Variants in STEAP1 observed in about 807,000 individuals in gnomAD.
STEAP1 encodes STEAP1 protein.
In STEAP1, 30 loss-of-function variants were observed where a neutral mutation model predicts 34.4. The ratio of observed to expected loss-of-function variants is 0.87; its 90% CI spans 0.65 to 1.18. The LOEUF (loss-of-function observed/expected upper bound fraction) is 1.18. Ranked by LOEUF, STEAP1 falls within the 50% of genes most tolerant of loss-of-function variation. The pLI is 0.00. For missense variants in STEAP1, 318 were observed against 391.1 expected (o/e 0.81, Z 1.58); for synonymous variants, 116 against 135.3 (o/e 0.86, Z 0.99).
chr7:90,162,244 T>C (rs1459097058), intron 4 of STEAP1, 166 bp downstream of exon 4: 3 of 1,039,042 alleles, frequency 2.9e-6, no homozygotes, highest in Non-Finnish European at 3.9e-6. Flanking sequence ...CCCTATTGCT[T>C]CTAATTAGGA....
intron 3 of STEAP1, 109 bp from the exon 4 acceptor site, chr7:90,161,805 C>T: frequency 7.0e-7 from 1 of 1,429,450 alleles, no homozygotes. Context: ...TTTGTGGAGA[C>T]CTGTTATCAG....
intron 4 of STEAP1, 113 bp from the exon 5 acceptor site, chr7:90,164,364 A>C: frequency 8.0e-7 from 1 of 1,247,246 alleles, no homozygotes; most frequent in Non-Finnish European, 1.1e-6. Flanking sequence ...GAAATGTGAT[A>C]GGAAAACAAT....
rs1326984991 is a variant in STEAP1, at chr7:90,164,633, A to G, written c.919A>G (p.Ile307Val). 7 of 1,613,708 alleles carry G rather than the reference A, an allele frequency of 4.3e-6. No homozygotes were observed. The highest frequency in any genetic ancestry group is 2.7e-5 in the African/African-American group (2 of 74,896). ...AATTGTTGTCCTGATATTTAAAAGC[A>G]TACTATTCCTGCCATGCTTGAGGAA... ...LPIVVLIFKS[I>V]LFLPCLRKKI... The change falls in exon 5 of 5, where the codon ATA becomes GTA. Residue 307 changes from isoleucine to valine, a missense_variant. Coordinates refer to ENST00000297205, the MANE Select transcript of STEAP1 (RefSeq NM_012449.3).
At chr7:90,157,730 G>C (rs1435625249) in intron 1 of STEAP1, among the ~76,000 whole-genome samples, 3 of 152,334 alleles carry the variant, frequency 2.0e-5, no homozygotes, top group African/African-American at 7.2e-5. Flanking sequence ...AATATTCCAA[G>C]AGTACCTCAA....
At chr7:90,160,185 G>T (rs3864423) in intron 2 of STEAP1, among the ~76,000 whole-genome samples, 4 of 150,698 alleles carry the variant, frequency 2.7e-5, no homozygotes, top group Non-Finnish European at 5.9e-5. Flanking sequence ...CTTTCTAACA[G>T]TCTATAGTTC....
At chr7:90,162,302 T>G (rs1056560689) in intron 4 of STEAP1, 10 of 685,832 alleles carry the variant, frequency 1.5e-5, no homozygotes, top group Non-Finnish European at 2.0e-5. Flanking sequence ...ATTCTTTGTT[T>G]TTTTTTTTTG....
intron 4 of STEAP1, among the ~76,000 whole-genome samples, chr7:90,163,623 G>A (rs116227969): frequency 1.6e-3 from 251 of 152,232 alleles, no homozygotes; most frequent in African/African-American, 5.4e-3. Context: ...TTAAGAATGC[G>A]CCTGAATAAT....
Position 90,159,338 on chromosome 7 carries a change from A to G in STEAP1, c.-31-420A>G, listed in dbSNP as rs28945131. On this transcript the variant is annotated intron_variant, in intron 1 of 4. Coordinates refer to ENST00000297205, the MANE Select transcript of STEAP1 (RefSeq NM_012449.3). The stretch of plus-strand genomic sequence containing the variant: ...TGTCAACCCCAAAATTCTGTTAAAC[A>G]TAAATCTTATATCAGCTACCTCCAG... Among the ~76,000 whole-genome samples the G allele has an allele frequency of 2.0e-5, 3 of 152,368 alleles. No homozygotes were observed. In the East Asian group the frequency reaches 5.8e-4, roughly 29 times the overall value.
chr7:90,164,051 T>C (rs551564628), intron 4 of STEAP1, among the ~76,000 whole-genome samples: 14 of 152,314 alleles, frequency 9.2e-5, no homozygotes, highest in African/African-American at 3.4e-4. Flanking sequence ...GAATCTAAAA[T>C]GTACAAATCA....
At chr7:90,154,815 C>G (rs1336421144) in intron 1 of STEAP1, among the ~76,000 whole-genome samples, 1 of 152,186 alleles carries the variant, frequency 6.6e-6, no homozygotes, top group Non-Finnish European at 1.5e-5. Flanking sequence ...TCGCTAGGGG[C>G]TTAAGGTTGT....
rs746256618 is a variant in STEAP1 at position 90,159,825 on chromosome 7, C to A, written c.37C>A (p.Leu13Ile). ...AAAAGACATCACAAACCAAGAAGAA[C>A]TTTGGAAAATGAAGCCTAGGAGAAA... ...SRKDITNQEELWKMKPRRNLE... is the reference protein window; with the variant it reads ...SRKDITNQEEIWKMKPRRNLE... The change falls in exon 2 of 5, where the codon CTT (leucine) becomes ATT (isoleucine). Residue 13 changes from leucine to isoleucine, a missense_variant. Coordinates refer to ENST00000297205, the MANE Select transcript of STEAP1 (RefSeq NM_012449.3). 3.8e-6 allele frequency: 6 copies of A among 1,565,820 alleles called. No homozygotes were observed. Among genetic ancestry groups the A allele is most frequent in the Non-Finnish European group, 5.2e-6 (6 of 1,157,726 alleles).
At chr7:90,160,337 G>A (rs1794167179) in intron 2 of STEAP1, among the ~76,000 whole-genome samples, 1 of 152,088 alleles carries the variant, frequency 6.6e-6, no homozygotes, top group African/African-American at 2.4e-5. Context: ...ATCTACTTTT[G>A]GATAAGAATC....
At chr7:90,158,779 C>T (rs1332748385) in intron 1 of STEAP1, among the ~76,000 whole-genome samples, 2 of 152,138 alleles carry the variant, frequency 1.3e-5, no homozygotes, top group African/African-American at 2.4e-5. Flanking sequence ...CCATTATACT[C>T]TTATGGGACC....
In STEAP1 at chr7:90,164,665, A is replaced by C; in HGVS notation, c.951A>C (p.Ile317=). The C allele has an allele frequency of 1.2e-6, 2 of 1,613,758 alleles. No individual in the cohort carries two copies. The highest frequency in any genetic ancestry group is 1.7e-6 in the Non-Finnish European group (2 of 1,179,808). The part of the protein sequence containing the change: ...ILFLPCLRKK[I]LKIRHGWEDV... ...TCCTGCCATGCTTGAGGAAGAAGATACTGAAGATTAGACATGGTTGGGAAG... is the reference window on the plus strand; with the variant it reads ...TCCTGCCATGCTTGAGGAAGAAGATCCTGAAGATTAGACATGGTTGGGAAG... Residue 317 remains isoleucine (I), a synonymous_variant, in exon 5 of 5, where the codon ATA becomes ATC. Coordinates refer to ENST00000297205, the MANE Select transcript of STEAP1 (RefSeq NM_012449.3).
intron 4 of STEAP1, chr7:90,162,908 G>T: frequency 3.6e-6 from 1 of 275,854 alleles, no homozygotes; most frequent in Non-Finnish European, 8.7e-6. Flanking sequence ...CTCACTTGAA[G>T]TTTCTAAATA....
At chr7:90,162,465 A>G (rs755726447) in intron 4 of STEAP1, among the ~76,000 whole-genome samples, 11 of 151,802 alleles carry the variant, frequency 7.2e-5, no homozygotes, top group Admixed American at 1.3e-4. Flanking sequence ...AGTAGCTGGG[A>G]TTACAGGCAC....
intron 1 of STEAP1, among the ~76,000 whole-genome samples, chr7:90,158,456 T>C (rs937533103): frequency 3.9e-5 from 6 of 152,308 alleles, no homozygotes; most frequent in Non-Finnish European, 8.8e-5. Context: ...TAATTTTTTT[T>C]TTCTTTTTAG....
intron 4 of STEAP1, chr7:90,163,085 T>C: frequency 2.7e-6 from 1 of 373,416 alleles, no homozygotes; most frequent in Non-Finnish European, 6.1e-6. Flanking sequence ...CGTTTATGGG[T>C]AGACATCTTT....
In STEAP1 at chr7:90,159,867, T is replaced by C; in HGVS notation, c.79T>C (p.Tyr27His). The C allele has an allele frequency of 6.6e-7, 1 of 1,519,578 alleles. No homozygotes were observed. Among genetic ancestry groups the C allele is most frequent in the Admixed American group, 2.1e-5 (1 of 47,466 alleles). The allele number at this position is 1,519,578 out of a possible 1,614,324, so 94.1% of individuals were successfully genotyped here. ...KPRRNLEEDDYLHKDTGETSM... is the reference protein window; with the variant it reads ...KPRRNLEEDDHLHKDTGETSM... ...TAGGAGAAATTTAGAAGAAGACGAT[T>C]ATTTGGTAAAATATTAATAATAACA... Residue 27 changes from tyrosine (Y) to histidine (H), a missense_variant, in exon 2 of 5, where the codon TAT (tyrosine) becomes CAT (histidine). By Grantham distance (83) the Tyr-to-His change is moderately conservative (BLOSUM62 2). Transcript: ENST00000297205.
Sources: allele counts gnomAD v4.1 joint callset (sites outside exome capture counted in the v4.1 genomes callset), GRCh38; gene constraint gnomAD v4.1.1; transcripts MANE v1.5; gene names NCBI Gene and HGNC (gene_info 2026-07-23, HGNC 2026-07-21).